The following NINL variants were observed in gnomAD, a reference collection of about 807,000 sequenced individuals.
NINL encodes ninein-like protein.
In NINL, 153 loss-of-function variants were observed where a neutral mutation model predicts 160.3. The ratio of observed to expected loss-of-function variants is 0.95; its 90% CI spans 0.84 to 1.09. The LOEUF is 1.09. Ranked by LOEUF, NINL falls within the 50% of genes least tolerant of loss-of-function variation. The probability of loss-of-function intolerance (pLI) is 0.00; values close to 1 mark genes in which losing one functional copy is unlikely to be tolerated. For missense variants in NINL, 1,829 were observed against 1,764.0 expected (o/e 1.04, Z -0.66); for synonymous variants, 800 against 734.8 (o/e 1.09, Z -1.43).
chr20:25,531,707 C>G (rs1030705366), intron 1 of NINL, among the ~76,000 whole-genome samples: 1 of 152,206 alleles, frequency 6.6e-6, no homozygotes, highest in African/African-American at 2.4e-5. Context: ...CCACTGTTTC[C>G]TCCTGACCAT....
chr20:25,469,895 G>C (rs974478616), intron 18 of NINL, 96 bp downstream of exon 18: 5 of 815,604 alleles, frequency 6.1e-6, no homozygotes, highest in Non-Finnish European at 1.0e-5. Context: ...GCTAATCTGA[G>C]AACACTTCCC....
In NINL at chr20:25,479,084, C is replaced by T; in HGVS notation, c.2040G>A (p.Glu680=). The T allele has an allele frequency of 6.2e-7, 1 of 1,613,390 alleles. No individual in the cohort carries two copies. The highest frequency in any genetic ancestry group is 8.5e-7 in the Non-Finnish European group (1 of 1,180,036). The change falls in exon 16 of 24, where the codon GAG becomes GAA. Residue 680 remains glutamate (E), a synonymous_variant. Transcript: ENST00000278886. ...CCTCCTGAGACTTCTCGTGGAGCTC[C>T]TCCAGGTCGGCCTTCTGACCCTCCA... is the stretch of plus-strand genomic sequence containing the variant. ...SVLEGQKADL[E]ELHEKSQEVI...
Position 25,489,290 on chromosome 20 carries a change from T to A in NINL, c.1631A>T (p.Glu544Val), listed in dbSNP as rs773806417. The A allele has an allele frequency of 6.2e-6, 10 of 1,613,964 alleles. No individual in the cohort carries two copies. Among genetic ancestry groups the A allele is most frequent in the South Asian group, 2.2e-5 (2 of 91,080 alleles). Residue 544 changes from glutamate to valine, a missense_variant, in exon 13 of 24, where the codon GAG becomes GTG. Transcript: ENST00000278886. ...EPQSAELLAQEERFAAVLKEY... is the reference protein window; with the variant it reads ...EPQSAELLAQVERFAAVLKEY... Reference sequence around the variant, plus strand: ...CTTCAGGACTGCTGCGAACCGCTCCTCCTGGGCCAGGAGCTCTGCACTCTG... The same window carrying A: ...CTTCAGGACTGCTGCGAACCGCTCCACCTGGGCCAGGAGCTCTGCACTCTG...
At position 25,536,890 on chromosome 20, in the gene NINL, T is replaced by C. The variant is rs1361435372; in HGVS notation, c.-11-10292A>G. ...TGGCCACTGGGGAGCCTAGAGAGTA[T>C]AAGAAATAACAGCAGAATGAGGTTT... On this transcript the variant is annotated intron_variant, in intron 1 of 23. Transcript: ENST00000278886. Among the ~76,000 whole-genome samples the C allele has an allele frequency of 3.3e-5, 5 of 152,114 alleles. No individual in the cohort carries two copies. In the East Asian group the frequency reaches 7.7e-4, roughly 23 times the overall value.
At chr20:25,509,682 C>T in intron 5 of NINL, 4 of 456,738 alleles carry the variant, frequency 8.8e-6, no homozygotes, top group Non-Finnish European at 1.8e-5. Flanking sequence ...TTCTGTGGGG[C>T]CCCTTTCTTC....
chr20:25,576,245 T>C (rs925831754), intron 1 of NINL, among the ~76,000 whole-genome samples: 1 of 152,222 alleles, frequency 6.6e-6, no homozygotes, highest in African/African-American at 2.4e-5. Context: ...AGGCAGGGCG[T>C]TATGTAGAAT....
At chr20:25,461,737 C>A in intron 20 of NINL, 102 bp from the exon 21 acceptor site, 1 of 826,146 alleles carries the variant, frequency 1.2e-6, no homozygotes, top group Non-Finnish European at 1.9e-6. Context: ...AAAAAAAGTA[C>A]AAAATTTAAA....
chr20:25,585,372 G>T (rs1198019699), intron 1 of NINL, 83 bp downstream of exon 1: 1 of 152,190 alleles, frequency 6.6e-6, no homozygotes, highest in African/African-American at 2.4e-5. Flanking sequence ...TGACTAAGGC[G>T]CGGGTCGCGA....
chr20:25,462,264 T>C, intron 20 of NINL, 119 bp downstream of exon 20: 2 of 897,994 alleles, frequency 2.2e-6, no homozygotes, highest in Non-Finnish European at 3.3e-6. Context: ...CAAGGCATGC[T>C]TGGGAAGTCC....
intron 1 of NINL, among the ~76,000 whole-genome samples, chr20:25,534,510 T>C (rs13040440): frequency 1.4e-3 from 208 of 152,320 alleles, no homozygotes; most frequent in Non-Finnish European, 2.4e-3. Context: ...CAAACCAAGA[T>C]AGCATGGCCT....
intron 18 of NINL, among the ~76,000 whole-genome samples, chr20:25,469,264 A>G (rs79800689): frequency 3.4e-3 from 27 of 7,994 alleles, no homozygotes; most frequent in African/African-American, 0.015. Context: ...GCACCCCCCT[A>G]CCCTGTCCCA....
At chr20:25,475,805 C>T (rs897837213) in intron 17 of NINL, among the ~76,000 whole-genome samples, 3 of 152,178 alleles carry the variant, frequency 2.0e-5, no homozygotes, top group Admixed American at 6.5e-5. Context: ...TTCAGGACCC[C>T]GAAAGGCAGT....
At chr20:25,573,305 A>G (rs1026949927) in intron 1 of NINL, among the ~76,000 whole-genome samples, 1 of 152,162 alleles carries the variant, frequency 6.6e-6, no homozygotes, top group Non-Finnish European at 1.5e-5. Flanking sequence ...CTCAAAAAAA[A>G]AAAAAAATTA....
At chr20:25,478,408 C>T (rs1601078576) in intron 16 of NINL, among the ~76,000 whole-genome samples, 1 of 152,152 alleles carries the variant, frequency 6.6e-6, no homozygotes, top group Non-Finnish European at 1.5e-5. Flanking sequence ...ACCTCAGATG[C>T]CCCCAACAAG....
intron 1 of NINL, among the ~76,000 whole-genome samples, chr20:25,578,155 T>C (rs8126111): frequency 0.051 from 7,691 of 150,384 alleles, 207 homozygotes; most frequent in Middle Eastern, 0.11. Context: ...CTGGCGCCCA[T>C]GGAGTGCAGT....
At chr20:25,572,805 G>A (rs927733392) in intron 1 of NINL, among the ~76,000 whole-genome samples, 6 of 152,168 alleles carry the variant, frequency 3.9e-5, no homozygotes, top group Non-Finnish European at 8.8e-5. Context: ...AAGCCCTAGT[G>A]TCATGTAAGA....
intron 14 of NINL, among the ~76,000 whole-genome samples, chr20:25,480,791 GCT>G (rs1255065801): frequency 6.6e-6 from 1 of 152,182 alleles, no homozygotes; most frequent in Non-Finnish European, 1.5e-5. Context: ...TGGAATTAGC[GCT>G]CTGAGACTGA....
At chr20:25,510,477 C>T (rs1158045867) in intron 5 of NINL, among the ~76,000 whole-genome samples, 197 bp downstream of exon 5, 6 of 152,208 alleles carry the variant, frequency 3.9e-5, no homozygotes, top group Non-Finnish European at 7.3e-5. Flanking sequence ...GGATGAGGAC[C>T]GAGTGACGGC....
At chr20:25,461,085 C>T (rs1460078030) in intron 21 of NINL, among the ~76,000 whole-genome samples, 3 of 152,220 alleles carry the variant, frequency 2.0e-5, no homozygotes, top group Admixed American at 2.0e-4. Flanking sequence ...GTGTCTGCAC[C>T]TCCCGCGCCT....
Sources: allele counts gnomAD v4.1 joint callset (sites outside exome capture counted in the v4.1 genomes callset), GRCh38; gene constraint gnomAD v4.1.1; transcripts MANE v1.5; gene names NCBI Gene and HGNC (gene_info 2026-07-23, HGNC 2026-07-21).